The following LCORL variants were observed in gnomAD, a reference collection of about 807,000 sequenced individuals.
LCORL encodes ligand-dependent nuclear receptor corepressor-like protein.
In LCORL, 41 loss-of-function variants were observed where a neutral mutation model predicts 141.8. The observed-to-expected ratio is 0.29, with a 90% CI of 0.23 to 0.38. The LOEUF (loss-of-function observed/expected upper bound fraction) is 0.38. Among genes scored for constraint, LCORL ranks in the 10% least tolerant of loss-of-function variants. LCORL has a pLI of 1.00. For missense variants in LCORL, 1,759 were observed against 2,035.0 expected, an observed-to-expected ratio of 0.86 and a Z score of 2.61; for synonymous variants, 618 against 694.1, an observed-to-expected ratio of 0.89 and a Z score of 1.72.
Position 17,884,040 on chromosome 4 carries a change from C to T in LCORL, c.776+2028G>A, listed in dbSNP as rs1220735040. On this transcript the variant is annotated intron_variant, in intron 6 of 7. Transcript: ENST00000635767. This position sits in a 1 kb window ranked among gnomAD's most constrained non-coding sequence, Gnocchi z 4.4. ...TCTTCAGTATTTTCAGAGGTTCCAT[C>T]AACTGTTCCATTTTTAGAATTAAGA... is the stretch of plus-strand genomic sequence containing the variant. 1.7e-5 allele frequency: 26 copies of T among 1,550,622 alleles called. No homozygotes were observed. Among genetic ancestry groups the T allele is most frequent in the Non-Finnish European group, 2.3e-5 (26 of 1,146,374 alleles).
chr4:17,960,683 T>C (rs964226309), intron 4 of LCORL, among the ~76,000 whole-genome samples: 2 of 152,140 alleles, frequency 1.3e-5, no homozygotes, highest in African/African-American at 2.4e-5. Flanking sequence ...CTTGAACAAA[T>C]GGGCTGAAGC....
chr4:17,870,794 G>C (rs988746780), intron 7 of LCORL, among the ~76,000 whole-genome samples: 5 of 152,176 alleles, frequency 3.3e-5, no homozygotes, highest in African/African-American at 1.2e-4. Flanking sequence ...ACTTGTTGAA[G>C]TAAGAATAGA....
chr4:17,945,837 T>C (rs1738789519), intron 4 of LCORL, among the ~76,000 whole-genome samples: 1 of 151,874 alleles, frequency 6.6e-6, no homozygotes, highest in African/African-American at 2.4e-5. Context: ...GCAAAATAAT[T>C]GTCACAGTAG....
At chr4:17,854,976 G>T (rs1380766527) in intron 7 of LCORL, among the ~76,000 whole-genome samples, 1 of 152,122 alleles carries the variant, frequency 6.6e-6, no homozygotes, top group African/African-American at 2.4e-5. Flanking sequence ...TTGGCACTCT[G>T]GTGCATAGTG....
At chr4:17,935,766 T>C (rs1186580088) in intron 4 of LCORL, among the ~76,000 whole-genome samples, 1 of 152,168 alleles carries the variant, frequency 6.6e-6, no homozygotes, top group African/African-American at 2.4e-5. Context: ...TCTTTATAAA[T>C]CACCCAGTCT....
At chr4:18,015,892 T>C (rs1029438395) in intron 1 of LCORL, among the ~76,000 whole-genome samples, 1 of 151,186 alleles carries the variant, frequency 6.6e-6, no homozygotes, top group African/African-American at 2.4e-5. Flanking sequence ...TAAAAATAAT[T>C]TATTGTATTC....
intron 7 of LCORL, among the ~76,000 whole-genome samples, chr4:17,863,907 C>G (rs569951136): frequency 6.6e-6 from 1 of 152,128 alleles, no homozygotes; most frequent in Non-Finnish European, 1.5e-5. Flanking sequence ...GAAAACAAAA[C>G]ATTTATAAGC....
At chr4:17,877,389 C>T (rs1249911461) in exon 7 of LCORL, 41 of 1,229,914 alleles carry the variant, frequency 3.3e-5, no homozygotes, top group African/African-American at 7.8e-5. Flanking sequence ...TTCATTAATG[C>T]GATCCATTAA....
At chr4:17,875,364 A>G in exon 7 of LCORL, 4 of 1,231,360 alleles carry the variant, frequency 3.2e-6, no homozygotes, top group Non-Finnish European at 4.1e-6. Flanking sequence ...AGACCCCAAG[A>G]TCTCACTTTC....
At chr4:17,927,764 A>G (rs1429569014) in intron 4 of LCORL, among the ~76,000 whole-genome samples, 1 of 152,224 alleles carries the variant, frequency 6.6e-6, no homozygotes, top group African/African-American at 2.4e-5. Flanking sequence ...AATTACAATC[A>G]TAACATCAAG....
intron 1 of LCORL, among the ~76,000 whole-genome samples, chr4:18,012,381 G>A (rs1305919040): frequency 2.6e-5 from 4 of 152,080 alleles, no homozygotes; most frequent in Non-Finnish European, 5.9e-5. Context: ...CAGGCAGTAG[G>A]GCAATCTAAT....
intron 7 of LCORL, among the ~76,000 whole-genome samples, chr4:17,863,827 C>A (rs974731542): frequency 2.0e-5 from 3 of 152,134 alleles, no homozygotes; most frequent in Non-Finnish European, 4.4e-5. Flanking sequence ...AAAAGCAATG[C>A]GATCATGTCC....
At chr4:17,867,674 C>A (rs1006915651) in intron 7 of LCORL, among the ~76,000 whole-genome samples, 3 of 152,292 alleles carry the variant, frequency 2.0e-5, no homozygotes, top group African/African-American at 7.2e-5. Context: ...ACATCTAACA[C>A]AACACCTGAT....
intron 7 of LCORL, among the ~76,000 whole-genome samples, chr4:17,866,462 C>T (rs150851624): frequency 1.2e-3 from 181 of 152,176 alleles, no homozygotes; most frequent in African/African-American, 3.9e-3. Context: ...CTGCCTAGCA[C>T]GCAGAAGACA....
At chr4:17,964,182 T>C (rs1461362599) in intron 2 of LCORL, among the ~76,000 whole-genome samples, 1 of 152,028 alleles carries the variant, frequency 6.6e-6, no homozygotes, top group Non-Finnish European at 1.5e-5. Flanking sequence ...CTACATAAAC[T>C]TGGACAGAGC....
rs1358310835 is a variant in LCORL at position 17,884,140 on chromosome 4, T to C, written c.776+1928A>G. On this transcript the variant is annotated intron_variant, in intron 6 of 7. Transcript: ENST00000635767. The surrounding 1 kb of genome is among the most constrained non-coding windows in gnomAD (Gnocchi z 4.4). ...GAGTTACAGGCCCAGAACATTCTAT[T>C]TTGTTCTGTTTAGGGAGTATATTTT... 4 of 1,550,440 alleles carry C rather than the reference T, an allele frequency of 2.6e-6. No homozygotes were observed. The highest frequency in any genetic ancestry group is 1.4e-5 in the African/African-American group (1 of 72,924).
At chr4:17,859,265 G>A (rs549756984) in intron 7 of LCORL, among the ~76,000 whole-genome samples, 3 of 152,208 alleles carry the variant, frequency 2.0e-5, no homozygotes, top group Admixed American at 1.3e-4. Flanking sequence ...GCTAGGCTAC[G>A]ATGTTAGATA....
chr4:17,958,357 G>C (rs534106141), intron 4 of LCORL, among the ~76,000 whole-genome samples: 1 of 151,522 alleles, frequency 6.6e-6, no homozygotes, highest in African/African-American at 2.4e-5. Flanking sequence ...AGTATGATTC[G>C]TTCAGCTACT....
intron 2 of LCORL, among the ~76,000 whole-genome samples, chr4:17,968,634 A>G (rs900765638): frequency 7.2e-5 from 11 of 152,154 alleles, no homozygotes; most frequent in African/African-American, 2.7e-4. Flanking sequence ...CAAATAGTAA[A>G]TATTTCAGGT....
Sources: allele counts gnomAD v4.1 joint callset (sites outside exome capture counted in the v4.1 genomes callset), GRCh38; gene constraint gnomAD v4.1.1; non-coding constraint Gnocchi (gnomAD v3.1); transcripts MANE v1.5; gene names NCBI Gene and HGNC (gene_info 2026-07-23, HGNC 2026-07-21).